ARHGAP21: variants seen among roughly 807,000 people sequenced by gnomAD.
ARHGAP21 encodes the protein Rho GTPase activating protein 21, also known as rho GTPase-activating protein 21.
A neutral mutation model predicts 164.6 loss-of-function variants in ARHGAP21; 38 were observed. The observed-to-expected ratio is 0.23, with a 90% confidence interval of 0.18 to 0.30. The LOEUF is 0.30. Among genes scored for constraint, ARHGAP21 ranks in the 10% least tolerant of loss-of-function variants. ARHGAP21 has a pLI of 1.00. For synonymous variants in ARHGAP21, 766 were observed against 857.9 expected (o/e 0.89, Z 1.87); for missense variants, 1,822 against 2,370.7 (o/e 0.77, Z 4.81).
chr10:24,683,306 C>T (rs1841945049), intron 2 of ARHGAP21, among the ~76,000 whole-genome samples: 1 of 152,026 alleles, frequency 6.6e-6, no homozygotes, highest in Non-Finnish European at 1.5e-5. Context: ...CTTTCATAAA[C>T]TAACTGTTGA....
In ARHGAP21 at chr10:24,619,403, G is replaced by C. The variant is rs1384440311; in HGVS notation, c.2422+70C>G. The C allele has an allele frequency of 2.1e-6, 3 of 1,452,792 alleles. No individual in the cohort carries two copies. In the African/African-American group the frequency reaches 4.3e-5, roughly 21 times the overall value. The allele number at this position is 1,452,792 out of a possible 1,614,324, so 90.0% of individuals were successfully genotyped here. A position where few individuals can be genotyped will look rare whatever the true frequency, so the allele number is the denominator to read the frequency against. ...TAAGACTTCTATGCCTATTGAACTA[G>C]AAATAATACTTTTCTGGAAAGATTT... On this transcript the variant is annotated intron_variant, in intron 9 of 25. Coordinates refer to ENST00000396432, the MANE Select transcript of ARHGAP21 (RefSeq NM_020824.4).
intron 7 of ARHGAP21, among the ~76,000 whole-genome samples, chr10:24,625,625 T>C (rs1405856749): frequency 6.6e-6 from 1 of 152,146 alleles, no homozygotes; most frequent in African/African-American, 2.4e-5. Flanking sequence ...ACCTGCAAAA[T>C]ATGAAAGAAC....
At chr10:24,689,890 A>G (rs904196904) in intron 2 of ARHGAP21, among the ~76,000 whole-genome samples, 1 of 143,550 alleles carries the variant, frequency 7.0e-6, no homozygotes, top group Non-Finnish European at 1.5e-5. Flanking sequence ...ATATATGTAT[A>G]TGTATGTGTA....
chr10:24,701,733 G>A (rs900975567), intron 2 of ARHGAP21, among the ~76,000 whole-genome samples: 12 of 152,254 alleles, frequency 7.9e-5, no homozygotes, highest in African/African-American at 2.9e-4. Context: ...TGGCTTTTAT[G>A]CTAATATGGG....
intron 4 of ARHGAP21, among the ~76,000 whole-genome samples, chr10:24,646,777 T>A (rs1211626255): frequency 1.3e-5 from 2 of 152,156 alleles, no homozygotes; most frequent in Non-Finnish European, 2.9e-5. Context: ...GAAACCATTA[T>A]ACAATGATTT....
chr10:24,715,738 T>G (rs894556824), intron 2 of ARHGAP21, among the ~76,000 whole-genome samples: 1 of 152,246 alleles, frequency 6.6e-6, no homozygotes, highest in African/African-American at 2.4e-5. Context: ...CTGGGCGCAG[T>G]GGCTCACACC....
intron 24 of ARHGAP21, 93 bp downstream of exon 24, chr10:24,591,132 A>G (rs568560547): frequency 4.1e-5 from 47 of 1,156,494 alleles, no homozygotes; most frequent in Admixed American, 1.7e-4. Flanking sequence ...GAAAAAAATC[A>G]TAAGTAACAA....
At chr10:24,651,997 T>A (rs1389986065) in intron 4 of ARHGAP21, among the ~76,000 whole-genome samples, 1 of 152,232 alleles carries the variant, frequency 6.6e-6, no homozygotes, top group Non-Finnish European at 1.5e-5. Flanking sequence ...ATCAATGGAA[T>A]AGAACAAAGG....
intron 2 of ARHGAP21, among the ~76,000 whole-genome samples, chr10:24,697,798 T>G (rs1303601387): frequency 2.0e-5 from 3 of 151,900 alleles, no homozygotes; most frequent in Non-Finnish European, 4.4e-5. Context: ...AGGCAGAGGT[T>G]GCAGTGAGCG....
At chr10:24,669,210 C>T (rs1271385430) in intron 3 of ARHGAP21, among the ~76,000 whole-genome samples, 1 of 152,010 alleles carries the variant, frequency 6.6e-6, no homozygotes, top group Non-Finnish European at 1.5e-5. Flanking sequence ...AAGAGCTATT[C>T]AGTACTTCAA....
At chr10:24,627,213 T>C (rs1330785109) in intron 7 of ARHGAP21, among the ~76,000 whole-genome samples, 2 of 152,230 alleles carry the variant, frequency 1.3e-5, no homozygotes, top group Non-Finnish European at 2.9e-5. Context: ...AGTGTTTCCA[T>C]GGGTAAATGA....
rs149703354 is a variant in ARHGAP21 at position 24,651,852 on chromosome 10, A to C, written c.268+15133T>G. On this transcript the variant is annotated intron_variant, in intron 4 of 25. Coordinates refer to ENST00000396432, the MANE Select transcript of ARHGAP21 (RefSeq NM_020824.4). ...TATTATAAACAATATAAAACAAATC[A>C]AAATTCCAACAGAATTTTTTTCATG... Among the ~76,000 whole-genome samples, 8 of 152,354 alleles carry C rather than the reference A, an allele frequency of 5.3e-5. No homozygotes were observed. The East Asian group carries it at 1.5e-3, about 29-fold the overall frequency.
At chr10:24,662,346 C>G (rs1362756770) in intron 4 of ARHGAP21, among the ~76,000 whole-genome samples, 1 of 152,050 alleles carries the variant, frequency 6.6e-6, no homozygotes. Context: ...ATAAGATGGA[C>G]CTAAGAGTTA....
chr10:24,705,678 C>T (rs1210954294), intron 2 of ARHGAP21, among the ~76,000 whole-genome samples: 2 of 152,090 alleles, frequency 1.3e-5, no homozygotes. Context: ...AACTGTTTTC[C>T]TTTTAAATTT....
At chr10:24,711,861 C>A (rs775187599) in intron 2 of ARHGAP21, among the ~76,000 whole-genome samples, 2 of 152,074 alleles carry the variant, frequency 1.3e-5, no homozygotes, top group African/African-American at 2.4e-5. Flanking sequence ...GATATGTCCA[C>A]CCAGAACCTG....
chr10:24,665,590 T>C (rs1840110479), intron 4 of ARHGAP21, among the ~76,000 whole-genome samples: 1 of 152,182 alleles, frequency 6.6e-6, no homozygotes, highest in African/African-American at 2.4e-5. Context: ...AGATCAGTGA[T>C]TGTCTAAAGA....
At chr10:24,671,593 C>T (rs1840709002) in intron 2 of ARHGAP21, among the ~76,000 whole-genome samples, 1 of 152,138 alleles carries the variant, frequency 6.6e-6, no homozygotes, top group African/African-American at 2.4e-5. Flanking sequence ...AGATTCCTCC[C>T]CTCTTACTAT....
chr10:24,620,594 G>A lies in ARHGAP21; in HGVS notation c.1301C>T (p.Thr434Ile). 1.9e-6 allele frequency: 3 copies of A among 1,614,234 alleles called. No homozygotes were observed. Among genetic ancestry groups the A allele is most frequent in the Non-Finnish European group, 2.5e-6 (3 of 1,180,048 alleles). ...DYNQVVPNRT[T>I]LQGRRRSTSH... ...GGTGCTTCGACGTCGTCCCTGCAAA[G>A]TAGTGCGGTTGGGGACGACCTGGTT... Residue 434 changes from threonine to isoleucine, a missense_variant, in exon 9 of 26, where the codon ACT becomes ATT. This residue lies in a region of ARHGAP21 where 1,090 missense variants were observed against 1,378.9 expected (regional missense o/e 0.79). Transcript: ENST00000396432.
chr10:24,720,689 A>C (rs908956939), intron 2 of ARHGAP21, among the ~76,000 whole-genome samples: 2 of 152,314 alleles, frequency 1.3e-5, no homozygotes, highest in Non-Finnish European at 2.9e-5. Context: ...TTAACTTCTG[A>C]TTCATTTTTA....
Sources: gnomAD v4.1 joint callset for allele counts (sites outside exome capture counted in the v4.1 genomes callset) on GRCh38, gnomAD v4.1.1 for gene constraint, gnomAD v4.1.1 regional missense constraint, MANE v1.5 for transcripts, NCBI Gene and HGNC (gene_info 2026-07-23, HGNC 2026-07-21) for gene names.